KIF27: variants seen among roughly 807,000 people sequenced by gnomAD.
KIF27 encodes kinesin-like protein KIF27.
KIF27 carries 84 observed loss-of-function variants against 141.8 expected under a neutral mutation model. The observed-to-expected ratio is 0.59, with a 90% confidence interval of 0.50 to 0.71. The LOEUF (loss-of-function observed/expected upper bound fraction) is 0.71, where lower values mean the gene tolerates loss of function less well. Ranked by LOEUF, KIF27 falls within the 30% of genes least tolerant of loss-of-function variation. KIF27 has a pLI of 0.00. For synonymous variants in KIF27, 471 were observed against 569.5 expected (o/e 0.83, Z 2.46); for missense variants, 1,306 against 1,628.4 (o/e 0.80, Z 3.41).
intron 6 of KIF27, among the ~76,000 whole-genome samples, 183 bp downstream of exon 6, chr9:83,891,112 G>C (rs1444607003): frequency 6.6e-6 from 1 of 152,034 alleles, no homozygotes; most frequent in Non-Finnish European, 1.5e-5. Flanking sequence ...AAATGTAACT[G>C]TGTATTCTCT....
intron 2 of KIF27, among the ~76,000 whole-genome samples, chr9:83,910,544 G>C (rs146046033): frequency 6.6e-6 from 1 of 152,184 alleles, no homozygotes; most frequent in Non-Finnish European, 1.5e-5. Context: ...AGGAGCTTGA[G>C]AGTAGAAAGG....
Position 83,860,317 on chromosome 9 carries a change from T to C in KIF27, c.2935-946A>G, listed in dbSNP as rs529365469. Among the ~76,000 whole-genome samples, 3 of 152,338 alleles carry C rather than the reference T, an allele frequency of 2.0e-5. No individual in the cohort carries two copies. In the East Asian group the frequency reaches 5.8e-4, roughly 29 times the overall value. On this transcript the variant is annotated intron_variant, in intron 13 of 17. Transcript: ENST00000297814. ...ACTCCAAGACGGCCACCTTCAACCT[T>C]TTCAGTTGGTTCTTCTGGTGTTTAT...
At chr9:83,841,784 C>CT (rs1249773524) in intron 17 of KIF27, among the ~76,000 whole-genome samples, 4 of 152,138 alleles carry the variant, frequency 2.6e-5, no homozygotes, top group Non-Finnish European at 2.9e-5. Context: ...AAGGAAACAT[C>CT]TTTGTCTCAA....
intron 6 of KIF27, among the ~76,000 whole-genome samples, chr9:83,890,340 G>A (rs1194500518): frequency 6.6e-6 from 1 of 152,006 alleles, no homozygotes. Context: ...TGAGGGAGGG[G>A]AATTCTTTAA....
At chr9:83,846,300 C>A (rs1324484992) in intron 16 of KIF27, among the ~76,000 whole-genome samples, 1 of 152,184 alleles carries the variant, frequency 6.6e-6, no homozygotes, top group African/African-American at 2.4e-5. Flanking sequence ...CTATCCTGCA[C>A]GCAATGCTTC....
chr9:83,920,860 CGGTGGG>C (rs1956196993), intron 1 of KIF27, among the ~76,000 whole-genome samples: 1 of 102,620 alleles, frequency 9.7e-6, no homozygotes, highest in African/African-American at 3.5e-5. Flanking sequence ...TCAACCTCTA[CGGTGGG>C]AAATGCGCCC....
At chr9:83,917,325 A>G (rs55872219) in intron 1 of KIF27, among the ~76,000 whole-genome samples, 20,351 of 152,258 alleles carry the variant, frequency 0.13, 1,440 homozygotes, top group African/African-American at 0.14. Context: ...AAGAAAGCAC[A>G]AGATGTAAAT....
At chr9:83,907,115 C>T (rs1444701711) in intron 3 of KIF27, among the ~76,000 whole-genome samples, 1 of 151,574 alleles carries the variant, frequency 6.6e-6, no homozygotes, top group African/African-American at 2.4e-5. Context: ...ACGGTGAAAC[C>T]CTGTCTCTAC....
intron 13 of KIF27, among the ~76,000 whole-genome samples, chr9:83,861,287 A>G (rs567331466): frequency 2.8e-3 from 427 of 151,960 alleles, no homozygotes; most frequent in African/African-American, 9.9e-3. Flanking sequence ...CCATTAACTC[A>G]TCATTTACAT....
At position 83,916,177 on chromosome 9, in the gene KIF27, C is replaced by T. The variant is rs187263167; in HGVS notation, c.-87-499G>A. On this transcript the variant is annotated intron_variant, in intron 1 of 17. Coordinates refer to ENST00000297814, the MANE Select transcript of KIF27 (RefSeq NM_017576.4). ...CCTCTCGAGTAGCTGGGGTTACAGG[C>T]GCCCGCCACCACACCCAGCTAATTT... 3.4e-3 allele frequency among the ~76,000 whole-genome samples: 520 copies of T among 151,976 alleles called. 2 individuals carry two copies. The highest frequency in any genetic ancestry group is 0.011 in the African/African-American group (476 of 41,442).
chr9:83,850,248 T>A lies in KIF27; in HGVS notation c.3407A>T (p.Glu1136Val). The A allele has an allele frequency of 6.2e-7, 1 of 1,613,906 alleles. No homozygotes were observed. The highest frequency in any genetic ancestry group is 8.5e-7 in the Non-Finnish European group (1 of 1,179,774). The change falls in exon 16 of 18, where the codon GAA (glutamate) becomes GTA (valine). Residue 1136 changes from glutamate to valine, a missense_variant. Around this residue, in one of 4 missense-constraint regions of KIF27, gnomAD observed 596 missense variants for 751.6 expected, o/e 0.79. Transcript: ENST00000297814. ...AERKQQLYNE[E>V]MKMKVLERDN... ...CCGTTCCAGAACTTTCATTTTCATTTCTTCATTATATAACTGTTGTTTCCG... is the reference window on the plus strand; with the variant it reads ...CCGTTCCAGAACTTTCATTTTCATTACTTCATTATATAACTGTTGTTTCCG...
intron 3 of KIF27, among the ~76,000 whole-genome samples, chr9:83,907,712 G>A (rs1954704952): frequency 6.6e-6 from 1 of 152,148 alleles, no homozygotes; most frequent in South Asian, 2.1e-4. Context: ...GAAGAAGTAT[G>A]TGTGCTGGGA....
At chr9:83,839,858 G>A (rs1355742835) in intron 17 of KIF27, among the ~76,000 whole-genome samples, 1 of 152,084 alleles carries the variant, frequency 6.6e-6, no homozygotes, top group African/African-American at 2.4e-5. Flanking sequence ...TAGGAGAATC[G>A]TTTGAACCTG....
intron 13 of KIF27, among the ~76,000 whole-genome samples, chr9:83,862,258 T>C (rs1462052263): frequency 6.6e-6 from 1 of 152,230 alleles, no homozygotes; most frequent in Non-Finnish European, 1.5e-5. Flanking sequence ...CCCATGCCTA[T>C]GTCCTGAATG....
At position 83,900,705 on chromosome 9, in the gene KIF27, G is replaced by A. The variant is rs190660673; in HGVS notation, c.1459-901C>T. 3.2e-4 allele frequency among the ~76,000 whole-genome samples: 49 copies of A among 151,810 alleles called. No individual in the cohort carries two copies. The East Asian group carries it at 9.1e-3, about 28-fold the overall frequency. ...ACCAAATGCCTATCAATCAACGAAT[G>A]GATAAAGAAACTGTGATATATATAC... On this transcript the variant is annotated intron_variant, in intron 4 of 17. Transcript: ENST00000297814.
At position 83,904,009 on chromosome 9, in the gene KIF27, C is replaced by G; in HGVS notation, c.509G>C (p.Gly170Ala). The change falls in exon 4 of 18, where the codon GGG (glycine) becomes GCG (alanine). Residue 170 changes from glycine to alanine, a missense_variant. Gly to Ala is a moderately conservative substitution (Grantham distance 60). Coordinates refer to ENST00000297814, the MANE Select transcript of KIF27 (RefSeq NM_017576.4). ...ACTCTCCACATGGCATTCCTTGGCC[C>G]CAACAATCACTTAAAATAGTAATAA... ...EDEKGNTVIV[G>A]AKECHVESAG... 6.3e-7 allele frequency: 1 copy of G among 1,596,722 alleles called. No homozygotes were observed. The highest frequency in any genetic ancestry group is 8.5e-7 in the Non-Finnish European group (1 of 1,171,672).
At chr9:83,918,910 T>C (rs1339869439) in intron 1 of KIF27, among the ~76,000 whole-genome samples, 1 of 152,036 alleles carries the variant, frequency 6.6e-6, no homozygotes. Flanking sequence ...ACCCCGTCCT[T>C]ACTAAAAATA....
At chr9:83,877,101 A>G (rs1204630882) in intron 11 of KIF27, among the ~76,000 whole-genome samples, 1 of 152,192 alleles carries the variant, frequency 6.6e-6, no homozygotes, top group Non-Finnish European at 1.5e-5. Flanking sequence ...GTACATATGT[A>G]AGGTATACAA....
chr9:83,838,062 A>T (rs915423226), intron 17 of KIF27, among the ~76,000 whole-genome samples: 1 of 152,222 alleles, frequency 6.6e-6, no homozygotes, highest in African/African-American at 2.4e-5. Context: ...CACTGGAATT[A>T]GAGTGAAGAG....
Sources: gnomAD v4.1 joint callset for allele counts (sites outside exome capture counted in the v4.1 genomes callset) on GRCh38, gnomAD v4.1.1 for gene constraint, gnomAD v4.1.1 regional missense constraint, MANE v1.5 for transcripts, NCBI Gene and HGNC (gene_info 2026-07-23, HGNC 2026-07-21) for gene names.